The following MAPK8 variants were observed in gnomAD, a reference collection of about 807,000 sequenced individuals.
MAPK8 encodes mitogen-activated protein kinase 8.
MAPK8 carries 13 observed loss-of-function variants against 52.9 expected under a neutral mutation model. The observed-to-expected ratio is 0.25, with a 90% CI of 0.16 to 0.39. The LOEUF (loss-of-function observed/expected upper bound fraction) is 0.39, where lower values mean the gene tolerates loss of function less well. Among genes scored for constraint, MAPK8 ranks in the 10% least tolerant of loss-of-function variants. MAPK8 has a pLI of 1.00. For missense variants in MAPK8, 300 were observed against 519.2 expected, an observed-to-expected ratio of 0.58 and a Z score of 4.10; for synonymous variants, 191 against 169.8, an observed-to-expected ratio of 1.12 and a Z score of -0.97.
chr10:48,324,983 CT>C (rs200829937), intron 1 of MAPK8, among the ~76,000 whole-genome samples: 15 of 79,716 alleles, frequency 1.9e-4, no homozygotes, highest in Admixed American at 2.8e-4. Context: ...CCCTATCATC[CT>C]TTTTTTTTTG....
At chr10:48,396,655 A>G (rs1246828080) in intron 1 of MAPK8, among the ~76,000 whole-genome samples, 2 of 152,220 alleles carry the variant, frequency 1.3e-5, no homozygotes, top group Non-Finnish European at 2.9e-5. Context: ...CAGCTTTGTC[A>G]TAGCCAGCAA....
chr10:48,356,419 A>G (rs1347178352), intron 1 of MAPK8, among the ~76,000 whole-genome samples: 1 of 152,242 alleles, frequency 6.6e-6, no homozygotes, highest in African/African-American at 2.4e-5. Context: ...AGAAAAACCC[A>G]GAAACACATA....
chr10:48,381,259 C>T (rs1211097485), intron 1 of MAPK8, among the ~76,000 whole-genome samples: 4 of 152,016 alleles, frequency 2.6e-5, no homozygotes. Context: ...TTTATTTTTT[C>T]TTTCTCCAAC....
At chr10:48,359,820 T>G (rs769529810) in intron 1 of MAPK8, among the ~76,000 whole-genome samples, 14 of 152,190 alleles carry the variant, frequency 9.2e-5, no homozygotes, top group Non-Finnish European at 1.8e-4. Flanking sequence ...TTTAATAACA[T>G]AAAGAGCATA....
chr10:48,405,103 A>G (rs2042388462), intron 3 of MAPK8, 122 bp downstream of exon 3: 1 of 278,584 alleles, frequency 3.6e-6, no homozygotes, highest in Non-Finnish European at 6.4e-6. Flanking sequence ...ATTGTTTAAA[A>G]GGGATATATA....
intron 3 of MAPK8, among the ~76,000 whole-genome samples, chr10:48,408,724 G>T (rs2133062500): frequency 6.6e-6 from 1 of 152,276 alleles, no homozygotes; most frequent in South Asian, 2.1e-4. Context: ...CCCTTAATCA[G>T]CTCAGGCCAC....
chr10:48,396,195 C>T (rs927319967), intron 1 of MAPK8, among the ~76,000 whole-genome samples: 99 of 152,108 alleles, frequency 6.5e-4, no homozygotes, highest in African/African-American at 2.2e-3. Flanking sequence ...ACTTGGAAAT[C>T]GCATGTCTGA....
chr10:48,381,397 CAT>C (rs1355184460), intron 1 of MAPK8, among the ~76,000 whole-genome samples: 1 of 152,054 alleles, frequency 6.6e-6, no homozygotes, highest in African/African-American at 2.4e-5. Flanking sequence ...ACCAAAAACA[CAT>C]CCTACTTTCA....
chr10:48,401,176 A>G (rs2042140865), intron 1 of MAPK8, among the ~76,000 whole-genome samples: 1 of 152,246 alleles, frequency 6.6e-6, no homozygotes, highest in Middle Eastern at 3.2e-3. Context: ...ACTTGGCACT[A>G]AATGAGACTT....
chr10:48,353,467 A>C (rs925846148), intron 1 of MAPK8, among the ~76,000 whole-genome samples: 1 of 152,220 alleles, frequency 6.6e-6, no homozygotes, highest in Non-Finnish European at 1.5e-5. Flanking sequence ...ACAGACGTAC[A>C]AAAGAGACTC....
intron 1 of MAPK8, among the ~76,000 whole-genome samples, chr10:48,335,542 A>G (rs953302682): frequency 2.6e-5 from 4 of 152,112 alleles, no homozygotes; most frequent in Non-Finnish European, 5.9e-5. Flanking sequence ...GATAGTTTTA[A>G]TTTTTTCATT....
chr10:48,399,008 ATTTG>A (rs1266664481), intron 1 of MAPK8, among the ~76,000 whole-genome samples: 2 of 151,964 alleles, frequency 1.3e-5, no homozygotes, highest in African/African-American at 4.8e-5. Flanking sequence ...TTTGCATTCG[ATTTG>A]TTTTTTTCTG....
chr10:48,385,173 A>T (rs2041237753), intron 1 of MAPK8, among the ~76,000 whole-genome samples: 1 of 152,168 alleles, frequency 6.6e-6, no homozygotes, highest in South Asian at 2.1e-4. Context: ...TCAAGAGGTA[A>T]TTATTTAGCT....
chr10:48,372,270 C>G (rs1046822200), intron 1 of MAPK8, among the ~76,000 whole-genome samples: 1 of 152,036 alleles, frequency 6.6e-6, no homozygotes, highest in Non-Finnish European at 1.5e-5. Flanking sequence ...TGGGGAGAAA[C>G]CAGCGCAAAA....
chr10:48,409,693 A>G (rs181962812), intron 3 of MAPK8, among the ~76,000 whole-genome samples, 186 bp from the exon 4 acceptor site: 1 of 152,358 alleles, frequency 6.6e-6, no homozygotes, highest in Admixed American at 6.5e-5. Context: ...CCACCTATCC[A>G]TCCCCTCCTC....
intron 3 of MAPK8, among the ~76,000 whole-genome samples, chr10:48,405,603 T>C (rs909542576): frequency 1.4e-4 from 22 of 152,266 alleles, no homozygotes; most frequent in African/African-American, 5.1e-4. Context: ...TAAACAGTTA[T>C]ACTTTTTTAA....
At chr10:48,427,304 CCTTAACTTAAT>C in intron 10 of MAPK8, 161 bp downstream of exon 10, 5 of 497,824 alleles carry the variant, frequency 1.0e-5, no homozygotes, top group Non-Finnish European at 1.5e-5. Flanking sequence ...CTGCTTCCTT[CCTTAACTTAAT>C]CTTAAGTTCC....
chr10:48,333,335 G>T (rs1282115380), intron 1 of MAPK8, among the ~76,000 whole-genome samples: 1 of 152,088 alleles, frequency 6.6e-6, no homozygotes, highest in Non-Finnish European at 1.5e-5. Context: ...TTACTATTAG[G>T]GCCCCACCAA....
chr10:48,430,981 G>A, intron 10 of MAPK8: 1 of 579,078 alleles, frequency 1.7e-6, no homozygotes, highest in East Asian at 3.0e-5. Flanking sequence ...GGAAAGATTA[G>A]TACTTCCTTT....
Sources: allele counts gnomAD v4.1 joint callset (sites outside exome capture counted in the v4.1 genomes callset), GRCh38; gene constraint gnomAD v4.1.1; transcripts MANE v1.5; gene names NCBI Gene and HGNC (gene_info 2026-07-23, HGNC 2026-07-21).